BHMT: variants seen among roughly 807,000 people sequenced by gnomAD.
BHMT encodes the protein betaine--homocysteine S-methyltransferase 1.
BHMT carries 38 observed loss-of-function variants against 49.5 expected under a neutral mutation model. The observed-to-expected ratio is 0.77, with a 90% confidence interval of 0.59 to 1.01. The LOEUF (loss-of-function observed/expected upper bound fraction) is 1.01, where lower values mean the gene tolerates loss of function less well. BHMT is among the 50% of genes least tolerant of loss of function. BHMT has a pLI of 0.00. For synonymous variants in BHMT, 166 were observed against 176.3 expected, an observed-to-expected ratio of 0.94 and a Z score of 0.46; for missense variants, 426 against 495.7, an observed-to-expected ratio of 0.86 and a Z score of 1.34.
At chr5:79,114,552 C>T (rs1232782935) in intron 1 of BHMT, among the ~76,000 whole-genome samples, 5 of 152,164 alleles carry the variant, frequency 3.3e-5, no homozygotes, top group African/African-American at 9.7e-5. Flanking sequence ...ATTATGTCAG[C>T]TTTTGTTTTA....
intron 6 of BHMT, among the ~76,000 whole-genome samples, chr5:79,126,840 C>T (rs1350675229): frequency 2.0e-5 from 3 of 151,998 alleles, no homozygotes; most frequent in African/African-American, 2.4e-5. Flanking sequence ...TTGGGAAGAG[C>T]GGGTGGGTTG....
Position 79,131,010 on chromosome 5 carries a change from G to A in BHMT, c.1115G>A (p.Gly372Asp), listed in dbSNP as rs752444679. The A allele has an allele frequency of 2.5e-5, 41 of 1,613,868 alleles. No individual in the cohort carries two copies. In the Admixed American group the frequency reaches 5.2e-4, roughly 20 times the overall value. The part of the protein sequence containing the change: ...PYNPSMSKPD[G>D]WGVTKGTAEL... ...AACCCTTCAATGTCAAAGCCAGATG[G>A]CTGGGGAGTGACCAAAGGAACAGCC... The change falls in exon 8 of 8, where the codon GGC becomes GAC. Residue 372 changes from glycine to aspartate, a missense_variant. Gly to Asp is a moderately conservative substitution (Grantham distance 94). Around this residue, in one of 3 missense-constraint regions of BHMT, gnomAD observed 73 missense variants for 68.3 expected, o/e 1.07. Coordinates refer to ENST00000274353, the MANE Select transcript of BHMT (RefSeq NM_001713.3).
In BHMT at chr5:79,119,374, A is replaced by G. The variant is rs1580270399; in HGVS notation, c.282A>G (p.Ile94Met). ...ENRGNYVLEK[I>M]SGQEVNEAAC... Reference sequence around the variant, plus strand: ...GGGGCAACTATGTCTTAGAGAAGATATCTGTGAGTAAAACCAGCCGTGGGA... The same window carrying G: ...GGGGCAACTATGTCTTAGAGAAGATGTCTGTGAGTAAAACCAGCCGTGGGA... The change falls in exon 3 of 8, where the codon ATA (isoleucine) becomes ATG (methionine). Residue 94 changes from isoleucine to methionine, a missense_variant. Ile to Met is a conservative substitution (Grantham distance 10, BLOSUM62 1). Coordinates refer to ENST00000274353, the MANE Select transcript of BHMT (RefSeq NM_001713.3). 6.2e-7 allele frequency: 1 copy of G among 1,608,332 alleles called. No homozygotes were observed. The highest frequency in any genetic ancestry group is 1.1e-5 in the South Asian group (1 of 90,590).
chr5:79,122,389 C>T (rs1756486116), intron 5 of BHMT, among the ~76,000 whole-genome samples: 1 of 152,250 alleles, frequency 6.6e-6, no homozygotes, highest in Admixed American at 6.5e-5. Context: ...CCTTGGAAAA[C>T]CCTGTGCTAA....
At chr5:79,115,134 T>C (rs1215664282) in intron 1 of BHMT, among the ~76,000 whole-genome samples, 1 of 152,080 alleles carries the variant, frequency 6.6e-6, no homozygotes, top group Non-Finnish European at 1.5e-5. Flanking sequence ...ATAGAAGTCT[T>C]TGAGTGATTT....
chr5:79,130,820 G>A, intron 7 of BHMT, 113 bp from the exon 8 acceptor site: 1 of 1,007,812 alleles, frequency 9.9e-7, no homozygotes, highest in Admixed American at 3.9e-5. Context: ...GCAACTTTGT[G>A]TGCTGCGTGA....
At chr5:79,122,488 C>T (rs1354588334) in intron 5 of BHMT, among the ~76,000 whole-genome samples, 1 of 151,812 alleles carries the variant, frequency 6.6e-6, no homozygotes, top group Non-Finnish European at 1.5e-5. Context: ...AAAAGACATC[C>T]AATAAATAGC....
chr5:79,125,491 C>A (rs1200513359), intron 5 of BHMT, among the ~76,000 whole-genome samples: 1 of 150,370 alleles, frequency 6.7e-6, no homozygotes, highest in Non-Finnish European at 1.5e-5. Context: ...GATGGACAGC[C>A]AAATGTGCAC....
chr5:79,112,742 C>A (rs766703350), intron 1 of BHMT, among the ~76,000 whole-genome samples: 1 of 152,168 alleles, frequency 6.6e-6, no homozygotes, highest in Non-Finnish European at 1.5e-5. Flanking sequence ...TCTTGGCTAT[C>A]CCAGTGGCTT....
Position 79,130,913 on chromosome 5 carries a change from CAT to C in BHMT, c.1038-19_1038-18del. The stretch of plus-strand genomic sequence containing the variant: ...AGGGGAGGAGTCTGTTGTCTGGTGT[CAT>C]GTGTTTTGTTCACACAGGGCCAGGA... On this transcript the variant is annotated intron_variant, in intron 7 of 7. Transcript: ENST00000274353. 5.6e-5 allele frequency: 88 copies of C among 1,583,268 alleles called. No individual in the cohort carries two copies. The highest frequency in any genetic ancestry group is 7.6e-5 in the Non-Finnish European group (88 of 1,163,392).
intron 7 of BHMT, 29 bp from the exon 8 acceptor site, chr5:79,130,904 G>C (rs766955934): frequency 1.9e-6 from 3 of 1,559,492 alleles, no homozygotes; most frequent in South Asian, 1.2e-5. Context: ...GGAGTCTGTT[G>C]TCTGGTGTCA....
chr5:79,125,459 GAAAAAAAA>G (rs538684708), intron 5 of BHMT, among the ~76,000 whole-genome samples: 1 of 104,544 alleles, frequency 9.6e-6, no homozygotes, highest in Non-Finnish European at 1.8e-5. Flanking sequence ...CTGTGTCTCA[GAAAAAAAA>G]AAAAAAAAAA....
chr5:79,127,720 T>C lies in BHMT; in HGVS notation c.809-35T>C, dbSNP rs746287079. 11 of 1,602,888 alleles carry C rather than the reference T, an allele frequency of 6.9e-6. No homozygotes were observed. In the East Asian group the frequency reaches 2.5e-4, roughly 36 times the overall value. ...ATCTTGAATTTTTATGAAAAGAATG[T>C]ATAATGCCTAATGGCATAATGCCAC... On this transcript the variant is annotated intron_variant, in intron 6 of 7. Coordinates refer to ENST00000274353, the MANE Select transcript of BHMT (RefSeq NM_001713.3).
At position 79,121,209 on chromosome 5, in the gene BHMT, T is replaced by G; in HGVS notation, c.478-9T>G. The G allele has an allele frequency of 6.2e-7, 1 of 1,613,604 alleles. No individual in the cohort carries two copies. Among genetic ancestry groups the G allele is most frequent in the South Asian group, 1.1e-5 (1 of 91,050 alleles). The stretch of plus-strand genomic sequence containing the variant: ...AGATTAAAAGTACTCTAACCTTAAC[T>G]GATTCCAGTATTTTGAACACGTTGA... On this transcript the variant is annotated splice_polypyrimidine_tract_variant and intron_variant, in intron 4 of 7. Transcript: ENST00000274353.
intron 5 of BHMT, among the ~76,000 whole-genome samples, chr5:79,124,266 G>A (rs1179635965): frequency 4.6e-5 from 7 of 152,138 alleles, no homozygotes; most frequent in Admixed American, 2.6e-4. Context: ...TGGCTAAAAT[G>A]CGCCAGATGC....
Position 79,132,277 on chromosome 5 carries a change from G to A in BHMT, c.*1161G>A, listed in dbSNP as rs1756654779. Reference sequence around the variant, plus strand: ...TTCTTTTCAGCTATTAAAAAGAAGAGCAATGAGACTATATTGCTTGTATTT... The same window carrying A: ...TTCTTTTCAGCTATTAAAAAGAAGAACAATGAGACTATATTGCTTGTATTT... On this transcript the variant is annotated 3_prime_UTR_variant, in exon 8 of 8. Transcript: ENST00000274353. 1 of 152,142 alleles carries A rather than the reference G, an allele frequency of 6.6e-6. No individual in the cohort carries two copies. Among genetic ancestry groups the A allele is most frequent in the Non-Finnish European group, 1.5e-5 (1 of 68,028 alleles). The allele number at this position is 152,142 out of a possible 1,614,324, so 9.4% of individuals were successfully genotyped here. A position where few individuals can be genotyped will look rare whatever the true frequency, so the allele number is the denominator to read the frequency against.
chr5:79,123,068 A>T (rs938888232), intron 5 of BHMT, among the ~76,000 whole-genome samples: 3 of 152,248 alleles, frequency 2.0e-5, no homozygotes, highest in Admixed American at 1.3e-4. Context: ...AAACCAGCAA[A>T]GTAGAAACAA....
At chr5:79,122,902 C>T (rs1177091124) in intron 5 of BHMT, among the ~76,000 whole-genome samples, 1 of 151,846 alleles carries the variant, frequency 6.6e-6, no homozygotes, top group Non-Finnish European at 1.5e-5. Flanking sequence ...GTATTGAAAG[C>T]CTAGGACAGA....
chr5:79,124,489 C>A (rs771974072), intron 5 of BHMT, among the ~76,000 whole-genome samples: 1 of 150,896 alleles, frequency 6.6e-6, no homozygotes. Context: ...AAGAAAAGTC[C>A]TATTTGGGAA....
Sources: allele counts gnomAD v4.1 joint callset (sites outside exome capture counted in the v4.1 genomes callset), GRCh38; gene constraint gnomAD v4.1.1; regional missense constraint gnomAD v4.1.1; transcripts MANE v1.5; gene names NCBI Gene and HGNC (gene_info 2026-07-23, HGNC 2026-07-21).